Variants in TTC28 observed in about 807,000 individuals in gnomAD.
The protein encoded by TTC28 is tetratricopeptide repeat domain 28.
Under a neutral mutation model 198.0 loss-of-function variants are expected in TTC28, and 61 were observed. The ratio of observed to expected loss-of-function variants is 0.31; its 90% CI spans 0.25 to 0.38. The LOEUF is 0.38. Ranked by LOEUF, TTC28 falls within the 10% of genes least tolerant of loss-of-function variation. TTC28 has a pLI of 1.00. For missense variants in TTC28, 2,678 were observed against 3,164.0 expected, an observed-to-expected ratio of 0.85 and a Z score of 3.69; for synonymous variants, 1,171 against 1,297.8, an observed-to-expected ratio of 0.90 and a Z score of 2.10.
At chr22:28,677,753 C>A (rs1390272189) in intron 1 of TTC28, among the ~76,000 whole-genome samples, 3 of 152,056 alleles carry the variant, frequency 2.0e-5, no homozygotes, top group African/African-American at 7.2e-5. Flanking sequence ...GCCTGGGCAA[C>A]ACAGTGAAAC....
intron 2 of TTC28, among the ~76,000 whole-genome samples, chr22:28,570,177 C>T (rs1256515757): frequency 6.6e-6 from 1 of 152,122 alleles, no homozygotes; most frequent in African/African-American, 2.4e-5. Context: ...TAAAATAGAA[C>T]TACTATTCAA....
intron 2 of TTC28, among the ~76,000 whole-genome samples, chr22:28,616,604 C>T (rs886863509): frequency 3.3e-5 from 5 of 152,176 alleles, no homozygotes; most frequent in African/African-American, 7.2e-5. Flanking sequence ...GTAATCCAAG[C>T]ACTTTGGGAG....
chr22:28,300,820 G>C (rs1237513019), intron 3 of TTC28, among the ~76,000 whole-genome samples: 1 of 152,150 alleles, frequency 6.6e-6, no homozygotes. Context: ...TGCTGAATAG[G>C]CCAGCTTGAA....
chr22:28,297,804 T>C lies in TTC28; in HGVS notation c.578A>G (p.Lys193Arg). 3 of 1,551,660 alleles carry C rather than the reference T, an allele frequency of 1.9e-6. No homozygotes were observed. Among genetic ancestry groups the C allele is most frequent in the East Asian group, 4.9e-5 (2 of 40,916 alleles). The change falls in exon 4 of 23, where the codon AAG becomes AGG. Residue 193 changes from lysine to arginine, a missense_variant. Physicochemically the swap from Lys to Arg is conservative, Grantham distance 26. Coordinates refer to ENST00000397906, the MANE Select transcript of TTC28 (RefSeq NM_001145418.2). ...CACAGACACGACCACAAAGGGACTCTTGTCCAGTTTCATTTTCTGAAGCTG... is the reference window on the plus strand; with the variant it reads ...CACAGACACGACCACAAAGGGACTCCTGTCCAGTTTCATTTTCTGAAGCTG... Reference protein sequence around the residue: ...YQQLQKMKLDKSPFVVVSVVG... With the variant: ...YQQLQKMKLDRSPFVVVSVVG...
In TTC28 at chr22:28,419,021, T is replaced by C. The variant is rs144600054; in HGVS notation, c.382-112378A>G. On this transcript the variant is annotated intron_variant, in intron 2 of 22. Transcript: ENST00000397906. The stretch of plus-strand genomic sequence containing the variant: ...ACTCTGTAGGAGCAGAGTCTGGAAA[T>C]GTGTATTTTTTAAAGATCCCTAGGC... Among the ~76,000 whole-genome samples the C allele has an allele frequency of 3.0e-3, 464 of 152,196 alleles. 4 individuals carry two copies. Among genetic ancestry groups the C allele is most frequent in the African/African-American group, 0.011 (444 of 41,546 alleles).
intron 2 of TTC28, among the ~76,000 whole-genome samples, chr22:28,397,889 G>A (rs2046841965): frequency 6.6e-6 from 1 of 152,160 alleles, no homozygotes; most frequent in Non-Finnish European, 1.5e-5. Flanking sequence ...AGAGGGCTTT[G>A]AGTCCAGGAT....
intron 12 of TTC28, among the ~76,000 whole-genome samples, chr22:28,055,192 T>C (rs746486545): frequency 6.6e-6 from 1 of 152,148 alleles, no homozygotes; most frequent in African/African-American, 2.4e-5. Flanking sequence ...TGAGCCCCCA[T>C]GCAGCGAAAA....
chr22:27,999,180 C>T lies in TTC28; in HGVS notation c.4479G>A (p.Ser1493=), dbSNP rs112207511. 4.4e-5 allele frequency: 68 copies of T among 1,550,806 alleles called. No homozygotes were observed. The highest frequency in any genetic ancestry group is 3.1e-4 in the African/African-American group (23 of 73,146). The part of the protein sequence containing the change: ...AAVIGNPKLP[S]AVMDRWLWGP... ...CCCACAGCCACCTGTCCATCACGGC[C>T]GATGGTAGCTTGGGGTTGCCGATGA... Residue 1493 remains serine, a synonymous_variant, in exon 16 of 23, where the codon TCG becomes TCA. Transcript: ENST00000397906.
intron 2 of TTC28, among the ~76,000 whole-genome samples, chr22:28,361,688 C>A (rs2046161570): frequency 6.6e-6 from 1 of 152,194 alleles, no homozygotes; most frequent in Non-Finnish European, 1.5e-5. Context: ...AGTGCAACAG[C>A]CTTCTATTGG....
At chr22:28,257,447 T>C (rs993167044) in intron 5 of TTC28, among the ~76,000 whole-genome samples, 1 of 151,924 alleles carries the variant, frequency 6.6e-6, no homozygotes, top group South Asian at 2.1e-4. Flanking sequence ...ATTCTGTAAT[T>C]TGCAGCAACA....
At position 28,240,643 on chromosome 22, in the gene TTC28, A is replaced by G. The variant is rs550996847; in HGVS notation, c.933+55555T>C. On this transcript the variant is annotated intron_variant, in intron 5 of 22. Transcript: ENST00000397906. ...AGAAATTAGCACACCTAGCACAGAG[A>G]TCTTGATTTCTAAACCATTCTCCCT... Among the ~76,000 whole-genome samples the G allele has an allele frequency of 2.3e-3, 347 of 152,244 alleles. 5 individuals carry two copies. The highest frequency in any genetic ancestry group is 3.1e-4 in the Non-Finnish European group (21 of 68,004).
chr22:28,618,703 T>C (rs1351576013), intron 2 of TTC28, among the ~76,000 whole-genome samples: 17 of 136,940 alleles, frequency 1.2e-4, no homozygotes, highest in Non-Finnish European at 2.2e-4. Flanking sequence ...AAAAAAAACA[T>C]AGCAAAGAGG....
intron 5 of TTC28, among the ~76,000 whole-genome samples, chr22:28,225,715 C>T (rs951249598): frequency 6.6e-5 from 10 of 152,216 alleles, no homozygotes; most frequent in Non-Finnish European, 1.5e-4. Context: ...CCACGGCAGG[C>T]AACATAGTGA....
rs35292146 is a variant in TTC28 at position 28,677,158 on chromosome 22, G to GAA, written c.102+2462_102+2463dup. On this transcript the variant is annotated intron_variant, in intron 1 of 22. Coordinates refer to ENST00000397906, the MANE Select transcript of TTC28 (RefSeq NM_001145418.2). ...GTGACAGAGCAAGACTCCATCTCAG[G>GAA]AAAAAAAAAAAAAAAAAATATATAT... Among the ~76,000 whole-genome samples the GAA allele has an allele frequency of 3.0e-3, 133 of 45,026 alleles. 3 individuals carry two copies. Among genetic ancestry groups the GAA allele is most frequent in the African/African-American group, 0.011 (120 of 10,440 alleles). 29.5% of individuals were successfully genotyped at this position (45,026 alleles called of 152,430 possible). A position where few individuals can be genotyped will look rare whatever the true frequency, so the allele number is the denominator to read the frequency against.
In TTC28 at chr22:27,983,425, T is replaced by C; in HGVS notation, c.6242A>G (p.Asp2081Gly). The change falls in exon 23 of 23, where the codon GAC becomes GGC. Residue 2081 changes from aspartate to glycine, a missense_variant. This residue lies in a region of TTC28 where 622 missense variants were observed against 656.0 expected (regional missense o/e 0.95). Transcript: ENST00000397906. ...TGTCCCAGGTTGGGGTTGTTTGTGGTCTGGTGAGAAGCATGTGTTTCGGTT... is the reference window on the plus strand; with the variant it reads ...TGTCCCAGGTTGGGGTTGTTTGTGGCCTGGTGAGAAGCATGTGTTTCGGTT... ...QENRNTCFSP[D>G]HKQPQPGTAG... The C allele has an allele frequency of 6.4e-7, 1 of 1,550,922 alleles. No homozygotes were observed.
At chr22:28,660,333 T>C (rs1402535689) in intron 1 of TTC28, among the ~76,000 whole-genome samples, 1 of 152,184 alleles carries the variant, frequency 6.6e-6, no homozygotes, top group Non-Finnish European at 1.5e-5. Flanking sequence ...AAGGAAATTT[T>C]TTTTCTTTTA....
Position 28,108,380 on chromosome 22 carries a change from C to T in TTC28, c.1465G>A (p.Asp489Asn). ...TGGAGTTTCAGTGCAGTGTCATAAT[C>T]ACCTTTCATCTGGTGTATGATTCCT... ...NLGIIHQMKG[D>N]YDTALKLHKT... Residue 489 changes from aspartate (D) to asparagine (N), a missense_variant, in exon 7 of 23, where the codon GAT becomes AAT. Asp to Asn is a conservative substitution (Grantham distance 23). Coordinates refer to ENST00000397906, the MANE Select transcript of TTC28 (RefSeq NM_001145418.2). 6.9e-7 allele frequency: 1 copy of T among 1,455,662 alleles called. No individual in the cohort carries two copies. The highest frequency in any genetic ancestry group is 1.5e-5 in the South Asian group (1 of 68,626). 90.2% of individuals were successfully genotyped at this position (1,455,662 alleles called of 1,614,324 possible). A position where few individuals can be genotyped will look rare whatever the true frequency, so the allele number is the denominator to read the frequency against.
rs371431041 is a variant in TTC28, at chr22:27,998,940, G to A, written c.4719C>T (p.Phe1573=). The A allele has an allele frequency of 1.4e-4, 212 of 1,550,802 alleles. No homozygotes were observed. In the East Asian group the frequency reaches 2.6e-3, roughly 19 times the overall value. ...ACTCAGGGATCGTGTAGGGGTGGCC[G>A]AAGGAGCTCTTGCTGCTGGCAGGGT... is the stretch of plus-strand genomic sequence containing the variant. The part of the protein sequence containing the change: ...DGNPASSKSS[F]GHPYTIPESL... The change falls in exon 16 of 23, where the codon TTC becomes TTT. Residue 1573 remains phenylalanine (F), a synonymous_variant. Transcript: ENST00000397906.
At chr22:28,599,588 C>A (rs1378115535) in intron 2 of TTC28, among the ~76,000 whole-genome samples, 1 of 151,996 alleles carries the variant, frequency 6.6e-6, no homozygotes, top group African/African-American at 2.4e-5. Flanking sequence ...CAGGAGCTCA[C>A]GACCAGCCTG....
Sources: allele counts gnomAD v4.1 joint callset (sites outside exome capture counted in the v4.1 genomes callset), GRCh38; gene constraint gnomAD v4.1.1; regional missense constraint gnomAD v4.1.1; transcripts MANE v1.5; gene names NCBI Gene and HGNC (gene_info 2026-07-23, HGNC 2026-07-21).